The following GRIN2B variants were observed in gnomAD, a reference collection of about 807,000 sequenced individuals.
GRIN2B encodes the protein glutamate ionotropic receptor NMDA type subunit 2B.
Under a neutral mutation model 114.5 loss-of-function variants are expected in GRIN2B, and 5 were observed. The observed-to-expected ratio is 0.04, with a 90% CI of 0.02 to 0.09. The LOEUF (loss-of-function observed/expected upper bound fraction) is 0.09, where lower values mean the gene tolerates loss of function less well. Ranked by LOEUF, GRIN2B falls within the 10% of genes least tolerant of loss-of-function variation. GRIN2B has a pLI of 1.00. For synonymous variants in GRIN2B, 787 were observed against 745.1 expected, an observed-to-expected ratio of 1.06 and a Z score of -0.92; for missense variants, 1,108 against 1,943.5, an observed-to-expected ratio of 0.57 and a Z score of 8.08.
At position 13,558,731 on chromosome 12, in the gene GRIN2B, G is replaced by A. The variant is rs1030327270; in HGVS notation, c.*4052C>T. On this transcript the variant is annotated 3_prime_UTR_variant, in exon 14 of 14. Transcript: ENST00000609686. Reference sequence around the variant, plus strand: ...TCACAACATGGCTGTGGCCAGTGCAGGGAAATACATATGAAGGATGTTTCC... The same window carrying A: ...TCACAACATGGCTGTGGCCAGTGCAAGGAAATACATATGAAGGATGTTTCC... 5.3e-5 allele frequency: 8 copies of A among 152,218 alleles called. No homozygotes were observed. Among genetic ancestry groups the A allele is most frequent in the Non-Finnish European group, 1.2e-4 (8 of 68,054 alleles). The allele number at this position is 152,218 out of a possible 1,614,324, so 9.4% of individuals were successfully genotyped here.
chr12:13,895,937 A>G (rs1254028418), intron 2 of GRIN2B, among the ~76,000 whole-genome samples: 1 of 152,186 alleles, frequency 6.6e-6, no homozygotes, highest in Non-Finnish European at 1.5e-5. Flanking sequence ...CACTTTGCAG[A>G]ATAACTAAAC....
At chr12:13,831,661 G>A (rs549047849) in intron 3 of GRIN2B, among the ~76,000 whole-genome samples, 6 of 152,346 alleles carry the variant, frequency 3.9e-5, no homozygotes, top group Non-Finnish European at 7.4e-5. Flanking sequence ...GGGGGAGCCC[G>A]GTAACTGCCA....
intron 3 of GRIN2B, among the ~76,000 whole-genome samples, chr12:13,859,037 A>G (rs1865709688): frequency 6.6e-6 from 1 of 152,216 alleles, no homozygotes; most frequent in African/African-American, 2.4e-5. Flanking sequence ...GCATATACTA[A>G]GCACCAACTG....
rs569316801 is a variant in GRIN2B at position 13,832,418 on chromosome 12, C to T, written c.411+33380G>A. ...ATAGTATTCGAGAGTGTACACCTTC[C>T]ACACTACTACTGAATAAAACCTCCC... On this transcript the variant is annotated intron_variant, in intron 3 of 13. Coordinates refer to ENST00000609686, the MANE Select transcript of GRIN2B (RefSeq NM_000834.5). Among the ~76,000 whole-genome samples the T allele has an allele frequency of 6.6e-5, 10 of 152,222 alleles. No individual in the cohort carries two copies. The East Asian group carries it at 1.9e-3, about 29-fold the overall frequency.
chr12:13,790,168 C>T (rs2136663686), intron 3 of GRIN2B, among the ~76,000 whole-genome samples: 1 of 152,334 alleles, frequency 6.6e-6, no homozygotes, highest in South Asian at 2.1e-4. Context: ...CTATCCATCA[C>T]AGACGCAGCC....
chr12:13,585,345 C>G (rs1306641978), intron 10 of GRIN2B, among the ~76,000 whole-genome samples: 1 of 152,184 alleles, frequency 6.6e-6, no homozygotes, highest in Non-Finnish European at 1.5e-5. Context: ...CTCTGCCCTC[C>G]TGGCAATCAA....
intron 3 of GRIN2B, among the ~76,000 whole-genome samples, chr12:13,788,607 G>GC (rs1469782411): frequency 6.6e-6 from 1 of 152,132 alleles, no homozygotes; most frequent in African/African-American, 2.4e-5. Context: ...ATCACCTGGT[G>GC]CCCACTGGGA....
intron 8 of GRIN2B, among the ~76,000 whole-genome samples, chr12:13,612,490 G>A (rs1488078516): frequency 2.6e-5 from 4 of 152,086 alleles, no homozygotes; most frequent in South Asian, 2.1e-4. Context: ...ATCCTTCCAC[G>A]TTAAATATTA....
intron 12 of GRIN2B, among the ~76,000 whole-genome samples, chr12:13,567,956 T>C (rs747384946): frequency 1.1e-4 from 17 of 151,882 alleles, no homozygotes; most frequent in African/African-American, 1.7e-4. Context: ...GCCCTTAAAA[T>C]TGTGCAAAGC....
At position 13,816,976 on chromosome 12, in the gene GRIN2B, T is replaced by C. The variant is rs369204513; in HGVS notation, c.411+48822A>G. 8.7e-4 allele frequency among the ~76,000 whole-genome samples: 133 copies of C among 152,300 alleles called. 4 individuals carry two copies. The South Asian group carries it at 0.027, about 31-fold the overall frequency. ...ACTAATCCCATGCATTGGGTTCTTT[T>C]ATTTTCTTTTGTCTGCCTGGATGCC... On this transcript the variant is annotated intron_variant, in intron 3 of 13. Coordinates refer to ENST00000609686, the MANE Select transcript of GRIN2B (RefSeq NM_000834.5).
At chr12:13,847,533 A>G (rs1861786) in intron 3 of GRIN2B, among the ~76,000 whole-genome samples, 91,271 of 152,002 alleles carry the variant, frequency 0.6, 27,598 homozygotes, top group South Asian at 0.64. Context: ...GAGGGGCCTC[A>G]GCACTGACAG....
At chr12:13,922,203 A>G (rs755324729) in intron 2 of GRIN2B, among the ~76,000 whole-genome samples, 144 of 152,306 alleles carry the variant, frequency 9.5e-4, no homozygotes, top group Non-Finnish European at 1.9e-3. Context: ...ATCTAATTCA[A>G]TCTTTCCTCA....
chr12:13,797,196 G>A (rs1306503193), intron 3 of GRIN2B, among the ~76,000 whole-genome samples: 2 of 152,062 alleles, frequency 1.3e-5, no homozygotes, highest in African/African-American at 4.8e-5. Context: ...CCATTTCCTG[G>A]TTTACAGATG....
chr12:13,956,966 C>T (rs4432098), intron 2 of GRIN2B, among the ~76,000 whole-genome samples: 15,608 of 152,146 alleles, frequency 0.1, 1,574 homozygotes, highest in East Asian at 0.41. Context: ...TTATCTAGGG[C>T]GAGAATTCCA....
intron 3 of GRIN2B, among the ~76,000 whole-genome samples, chr12:13,855,300 T>C (rs1591768952): frequency 6.6e-6 from 1 of 152,088 alleles, no homozygotes; most frequent in Admixed American, 6.5e-5. Context: ...ATTTTATAGA[T>C]GAGGAAACTA....
At chr12:13,910,485 C>T (rs1394318931) in intron 2 of GRIN2B, among the ~76,000 whole-genome samples, 1 of 152,128 alleles carries the variant, frequency 6.6e-6, no homozygotes, top group Non-Finnish European at 1.5e-5. Context: ...AGGTGCAGCC[C>T]CTCCTGTCCA....
At position 13,541,374 on chromosome 12, in the gene GRIN2B, G is replaced by C. The variant is rs1161605204; in HGVS notation, c.*21409C>G. On this transcript the variant is annotated 3_prime_UTR_variant, in exon 14 of 14. Coordinates refer to ENST00000609686, the MANE Select transcript of GRIN2B (RefSeq NM_000834.5). ...ACCCAGGTTACCCCATTAACCAGGG[G>C]TGGGAGCCAGTCTGAAGGAGGGGAG... The C allele has an allele frequency of 6.6e-6, 1 of 152,190 alleles. No homozygotes were observed. The highest frequency in any genetic ancestry group is 1.5e-5 in the Non-Finnish European group (1 of 68,042). The allele number at this position is 152,190 out of a possible 1,614,324, so 9.4% of individuals were successfully genotyped here. A position where few individuals can be genotyped will look rare whatever the true frequency, so the allele number is the denominator to read the frequency against.
At chr12:13,712,218 G>A (rs1029647822) in intron 4 of GRIN2B, among the ~76,000 whole-genome samples, 12 of 149,218 alleles carry the variant, frequency 8.0e-5, no homozygotes, top group Non-Finnish European at 1.8e-4. Context: ...ATCAAACACC[G>A]GGGCCTGTTG....
In GRIN2B at chr12:13,839,717, G is replaced by A. The variant is rs148773299; in HGVS notation, c.411+26081C>T. Among the ~76,000 whole-genome samples, 152 of 152,226 alleles carry A rather than the reference G, an allele frequency of 1.0e-3. 1 individual carries two copies. Among genetic ancestry groups the A allele is most frequent in the African/African-American group, 3.5e-3 (146 of 41,528 alleles). On this transcript the variant is annotated intron_variant, in intron 3 of 13. Coordinates refer to ENST00000609686, the MANE Select transcript of GRIN2B (RefSeq NM_000834.5). Reference sequence around the variant, plus strand: ...CACGCCTCAGATTGATGCCACCATGGTCCACAGTGCTCAGAGAAACAAGGA... The same window carrying A: ...CACGCCTCAGATTGATGCCACCATGATCCACAGTGCTCAGAGAAACAAGGA...
Sources: gnomAD v4.1 joint callset for allele counts (sites outside exome capture counted in the v4.1 genomes callset) on GRCh38, gnomAD v4.1.1 for gene constraint, MANE v1.5 for transcripts, NCBI Gene and HGNC (gene_info 2026-07-23, HGNC 2026-07-21) for gene names.